LDB2: variants seen among roughly 807,000 people sequenced by gnomAD.
LDB2 encodes LIM domain binding 2.
Under a neutral mutation model 44.3 loss-of-function variants are expected in LDB2, and 12 were observed. That is an observed-to-expected ratio of 0.27 (90% confidence interval 0.17 to 0.44). The LOEUF (loss-of-function observed/expected upper bound fraction) is 0.44. Among genes scored for constraint, LDB2 ranks in the 20% least tolerant of loss-of-function variants. LDB2 has a pLI of 1.00. For synonymous variants in LDB2, 164 were observed against 174.8 expected (o/e 0.94, Z 0.49); for missense variants, 344 against 473.5 (o/e 0.73, Z 2.54).
intron 1 of LDB2, among the ~76,000 whole-genome samples, chr4:16,886,635 A>C (rs1721773856): frequency 6.6e-6 from 1 of 152,236 alleles, no homozygotes; most frequent in African/African-American, 2.4e-5. Context: ...ATTTTAAAGC[A>C]CATGCAGCTT....
intron 1 of LDB2, chr4:16,889,225 C>T (rs1476640889): frequency 6.6e-6 from 1 of 152,086 alleles, no homozygotes; most frequent in Admixed American, 6.6e-5. Context: ...TGATTAATGG[C>T]CCCGAAAGCA....
At chr4:16,713,064 C>A (rs937102512) in intron 2 of LDB2, among the ~76,000 whole-genome samples, 2 of 152,092 alleles carry the variant, frequency 1.3e-5, no homozygotes, top group African/African-American at 4.8e-5. Context: ...CATGGACGAA[C>A]CTCAAATATA....
At chr4:16,690,180 T>C (rs945640169) in intron 2 of LDB2, among the ~76,000 whole-genome samples, 4 of 152,146 alleles carry the variant, frequency 2.6e-5, no homozygotes, top group African/African-American at 9.6e-5. Flanking sequence ...GTATAAACAA[T>C]GCTACACCAG....
rs962222525 is a variant in LDB2 at position 16,502,573 on chromosome 4, G to A, written c.*70C>T. The A allele has an allele frequency of 8.3e-5, 131 of 1,575,686 alleles. No homozygotes were observed. Among genetic ancestry groups the A allele is most frequent in the Non-Finnish European group, 1.1e-4 (125 of 1,148,530 alleles). ...TTTTATCTCTTCTGTTTCCTCTCCT[G>A]TAAGTAAAGATTTGCAATTGTAATG... On this transcript the variant is annotated 3_prime_UTR_variant, in exon 8 of 8. Transcript: ENST00000304523.
chr4:16,543,569 T>C (rs552227153), intron 5 of LDB2, among the ~76,000 whole-genome samples: 99 of 152,350 alleles, frequency 6.5e-4, no homozygotes, highest in African/African-American at 2.1e-3. Context: ...CATAAATGTC[T>C]TCTTTTGAGA....
chr4:16,764,590 T>C (rs1309421420), intron 1 of LDB2, among the ~76,000 whole-genome samples: 1 of 151,946 alleles, frequency 6.6e-6, no homozygotes, highest in Admixed American at 6.6e-5. Context: ...TAGAATGGTA[T>C]GGACCCTGCA....
In LDB2 at chr4:16,659,153, T is replaced by C. The variant is rs532300932; in HGVS notation, c.236-63278A>G. ...CATATACGAAGGTTCTGCTCCACTT[T>C]CCTGGAGTGTATAAAGACCAAGACT... On this transcript the variant is annotated intron_variant, in intron 2 of 7. Coordinates refer to ENST00000304523, the MANE Select transcript of LDB2 (RefSeq NM_001290.5). Among the ~76,000 whole-genome samples, 128 of 152,306 alleles carry C rather than the reference T, an allele frequency of 8.4e-4. 1 individual carries two copies. Among genetic ancestry groups the C allele is most frequent in the African/African-American group, 3.0e-3 (124 of 41,568 alleles).
At position 16,612,352 on chromosome 4, in the gene LDB2, A is replaced by T. The variant is rs190464908; in HGVS notation, c.236-16477T>A. 4.3e-4 allele frequency among the ~76,000 whole-genome samples: 65 copies of T among 152,312 alleles called. No individual in the cohort carries two copies. In the East Asian group the frequency reaches 0.012, roughly 27 times the overall value. The stretch of plus-strand genomic sequence containing the variant: ...ATCCAACAGCTAGCAGAAGACAAGA[A>T]ATAACTAAGATCAGAGAAGAATTGA... On this transcript the variant is annotated intron_variant, in intron 2 of 7. Coordinates refer to ENST00000304523, the MANE Select transcript of LDB2 (RefSeq NM_001290.5).
In LDB2 at chr4:16,812,582, T is replaced by TTATATATATA. The variant is rs6148319; in HGVS notation, c.133-53332_133-53323dup. Among the ~76,000 whole-genome samples, 1,059 of 115,432 alleles carry TTATATATATA rather than the reference T, an allele frequency of 9.2e-3. 22 individuals carry two copies. The highest frequency in any genetic ancestry group is 0.036 in the African/African-American group (938 of 25,712). 75.7% of individuals were successfully genotyped at this position (115,432 alleles called of 152,430 possible). On this transcript the variant is annotated intron_variant, in intron 1 of 7. Coordinates refer to ENST00000304523, the MANE Select transcript of LDB2 (RefSeq NM_001290.5). Reference sequence around the variant, plus strand: ...ATACTTGAGGCTGGAATCAATGAAATTATATATATATATATATATATATAT... The same window carrying TTATATATATA: ...ATACTTGAGGCTGGAATCAATGAAATTATATATATATATATATATATATATATATATATAT...
intron 1 of LDB2, among the ~76,000 whole-genome samples, chr4:16,882,365 G>A (rs912313256): frequency 1.6e-4 from 24 of 152,122 alleles, no homozygotes; most frequent in African/African-American, 5.6e-4. Flanking sequence ...AAAGCTAACA[G>A]CAGAGTTCTT....
intron 2 of LDB2, among the ~76,000 whole-genome samples, chr4:16,690,122 C>A (rs1211887784): frequency 1.3e-5 from 2 of 152,172 alleles, no homozygotes; most frequent in East Asian, 3.9e-4. Context: ...AAGGAACACA[C>A]TGTCCTCAGT....
In LDB2 at chr4:16,876,939, G is replaced by A. The variant is rs558659306; in HGVS notation, c.132+21415C>T. ...TTTTTTCCTTAGAGACAAGGTCTTC[G>A]CTCTGTCACACAGACTGGAGTGCAG... On this transcript the variant is annotated intron_variant, in intron 1 of 7. Coordinates refer to ENST00000304523, the MANE Select transcript of LDB2 (RefSeq NM_001290.5). 6.8e-5 allele frequency among the ~76,000 whole-genome samples: 10 copies of A among 146,378 alleles called. No individual in the cohort carries two copies. The South Asian group carries it at 1.9e-3, about 28-fold the overall frequency.
intron 2 of LDB2, among the ~76,000 whole-genome samples, chr4:16,746,719 G>A (rs534988826): frequency 1.8e-4 from 28 of 152,282 alleles, no homozygotes; most frequent in Admixed American, 1.5e-3. Context: ...CCCAGGAGGC[G>A]GAGGTTGCAG....
chr4:16,632,987 T>C (rs569943526), intron 2 of LDB2, among the ~76,000 whole-genome samples: 1 of 152,274 alleles, frequency 6.6e-6, no homozygotes, highest in Non-Finnish European at 1.5e-5. Context: ...CCCATGCACA[T>C]GTATGTTTAT....
At chr4:16,700,871 G>A (rs1753282890) in intron 2 of LDB2, among the ~76,000 whole-genome samples, 1 of 152,156 alleles carries the variant, frequency 6.6e-6, no homozygotes, top group Admixed American at 6.5e-5. Context: ...ATCAGCTAAG[G>A]CAAGTAAATA....
chr4:16,502,523 G>GAAAT lies in LDB2; in HGVS notation c.*116_*119dup. ...AAGAAAATCAGATCATTGTGGTTTAGAAATAGATATTTGCATGGAAAAGTT... is the reference window on the plus strand; with the variant it reads ...AAGAAAATCAGATCATTGTGGTTTAGAAATAAATAGATATTTGCATGGAAAAGTT... On this transcript the variant is annotated 3_prime_UTR_variant, in exon 8 of 8. Coordinates refer to ENST00000304523, the MANE Select transcript of LDB2 (RefSeq NM_001290.5). The GAAAT allele has an allele frequency of 3.1e-6, 4 of 1,288,442 alleles. No individual in the cohort carries two copies. Among genetic ancestry groups the GAAAT allele is most frequent in the African/African-American group, 1.5e-5 (1 of 67,178 alleles). The allele number at this position is 1,288,442 out of a possible 1,614,324, so 79.8% of individuals were successfully genotyped here.
At chr4:16,610,471 A>G (rs1456202206) in intron 2 of LDB2, among the ~76,000 whole-genome samples, 5 of 152,198 alleles carry the variant, frequency 3.3e-5, no homozygotes, top group African/African-American at 1.2e-4. Context: ...CTTTGATAAA[A>G]GGTTAGAGGA....
Position 16,821,414 on chromosome 4 carries a change from C to G in LDB2, c.133-62154G>C, listed in dbSNP as rs369167726. On this transcript the variant is annotated intron_variant, in intron 1 of 7. Coordinates refer to ENST00000304523, the MANE Select transcript of LDB2 (RefSeq NM_001290.5). ...TTTTTTTTTTTTGGAGACGGAGTCT[C>G]GCTCTGTCGCCCAGGCTGGAGTGCA... Among the ~76,000 whole-genome samples the G allele has an allele frequency of 2.0e-5, 3 of 147,274 alleles. No individual in the cohort carries two copies. The East Asian group carries it at 5.9e-4, about 29-fold the overall frequency.
chr4:16,620,886 C>A (rs1043291746), intron 2 of LDB2, among the ~76,000 whole-genome samples: 5 of 152,148 alleles, frequency 3.3e-5, no homozygotes, highest in African/African-American at 4.8e-5. Context: ...ACTGTTTATA[C>A]CAGAATTATA....
Sources: gnomAD v4.1 joint callset for allele counts (sites outside exome capture counted in the v4.1 genomes callset) on GRCh38, gnomAD v4.1.1 for gene constraint, MANE v1.5 for transcripts, NCBI Gene and HGNC (gene_info 2026-07-23, HGNC 2026-07-21) for gene names.